The following RELN variants were observed in gnomAD, a reference collection of about 807,000 sequenced individuals.
The protein encoded by RELN is reelin.
In RELN, 108 loss-of-function variants were observed where a neutral mutation model predicts 427.6. The observed-to-expected ratio is 0.25, with a 90% confidence interval of 0.22 to 0.30. The LOEUF is 0.30. RELN is among the 10% of genes least tolerant of loss of function. The pLI, the probability that RELN is intolerant of heterozygous loss-of-function variation, is 1.00. For missense variants in RELN, 3,715 were observed against 4,302.8 expected (o/e 0.86, Z 3.82); for synonymous variants, 1,524 against 1,513.4 (o/e 1.01, Z -0.16).
At chr7:103,648,641 A>G (rs1290133026) in intron 16 of RELN, among the ~76,000 whole-genome samples, 11 of 152,168 alleles carry the variant, frequency 7.2e-5, no homozygotes, top group African/African-American at 2.2e-4. Flanking sequence ...TAATCAACAC[A>G]GTGAACAGAC....
chr7:103,986,503 G>A (rs1284823115), intron 1 of RELN, among the ~76,000 whole-genome samples: 1 of 151,826 alleles, frequency 6.6e-6, no homozygotes, highest in Middle Eastern at 3.2e-3. Flanking sequence ...GGCAATTGCT[G>A]CCCCATTTTA....
At chr7:103,851,304 G>C (rs985362395) in intron 2 of RELN, among the ~76,000 whole-genome samples, 1 of 152,132 alleles carries the variant, frequency 6.6e-6, no homozygotes, top group Non-Finnish European at 1.5e-5. Flanking sequence ...AAAGGCATAA[G>C]AATGATACAA....
At chr7:103,929,396 C>A (rs76083845) in intron 1 of RELN, among the ~76,000 whole-genome samples, 1 of 152,052 alleles carries the variant, frequency 6.6e-6, no homozygotes, top group African/African-American at 2.4e-5. Flanking sequence ...AACCTTCTTT[C>A]GAATAGCTAG....
intron 2 of RELN, among the ~76,000 whole-genome samples, chr7:103,843,524 A>G (rs74524250): frequency 0.025 from 3,837 of 152,216 alleles, 152 homozygotes; most frequent in African/African-American, 0.088. Context: ...TCCAATAGAA[A>G]CCCTGTCCAA....
intron 12 of RELN, among the ~76,000 whole-genome samples, chr7:103,657,624 C>T (rs1000393456): frequency 1.4e-4 from 21 of 152,034 alleles, no homozygotes; most frequent in Admixed American, 9.8e-4. Flanking sequence ...CTGAAACACA[C>T]GTGAGAGCCA....
intron 51 of RELN, chr7:103,504,337 A>G (rs1426411215): frequency 6.6e-6 from 1 of 151,132 alleles, no homozygotes; most frequent in Non-Finnish European, 1.5e-5. Flanking sequence ...TGCTTAAGTC[A>G]TAATGATTTA....
At chr7:103,849,534 T>A (rs1408882306) in intron 2 of RELN, among the ~76,000 whole-genome samples, 2 of 152,210 alleles carry the variant, frequency 1.3e-5, no homozygotes, top group Non-Finnish European at 2.9e-5. Context: ...TTCCTCAATG[T>A]GACACCCTGC....
At chr7:103,872,402 C>T (rs202159261) in intron 2 of RELN, among the ~76,000 whole-genome samples, 1,796 of 124,640 alleles carry the variant, frequency 0.014, 11 homozygotes, top group East Asian at 0.069. Context: ...CTCATCCTTT[C>T]TTATGGCTGC....
intron 1 of RELN, among the ~76,000 whole-genome samples, chr7:103,987,138 G>A (rs1317724902): frequency 6.7e-6 from 1 of 148,246 alleles, no homozygotes; most frequent in Non-Finnish European, 1.5e-5. Flanking sequence ...AAATCTAAAT[G>A]TTTAATAAAA....
chr7:103,971,287 T>G (rs1202898110), intron 1 of RELN, among the ~76,000 whole-genome samples: 1 of 152,076 alleles, frequency 6.6e-6, no homozygotes, highest in African/African-American at 2.4e-5. Flanking sequence ...ACTGATAGAT[T>G]TGACTACCCA....
At position 103,771,991 on chromosome 7, in the gene RELN, G is replaced by A. The variant is rs187423023; in HGVS notation, c.544+4566C>T. Among the ~76,000 whole-genome samples, 13 of 151,956 alleles carry A rather than the reference G, an allele frequency of 8.6e-5. No individual in the cohort carries two copies. The East Asian group carries it at 1.7e-3, about 20-fold the overall frequency. Reference sequence around the variant, plus strand: ...ATCACTCTCCTGCTTCCTTCCCACCGCCTGCAGAATGCGTAAGTCCCTGAG... The same window carrying A: ...ATCACTCTCCTGCTTCCTTCCCACCACCTGCAGAATGCGTAAGTCCCTGAG... On this transcript the variant is annotated intron_variant, in intron 4 of 64. Coordinates refer to ENST00000428762, the MANE Select transcript of RELN (RefSeq NM_005045.4).
intron 3 of RELN, among the ~76,000 whole-genome samples, chr7:103,793,748 C>T (rs1792224883): frequency 6.6e-6 from 1 of 152,088 alleles, no homozygotes; most frequent in Non-Finnish European, 1.5e-5. Context: ...ATCGGTAGTA[C>T]AAGTGAACAT....
rs573173578 is a variant in RELN at position 103,962,454 on chromosome 7, A to G, written c.226+26677T>C. Among the ~76,000 whole-genome samples the G allele has an allele frequency of 7.8e-4, 118 of 152,118 alleles. 1 individual carries two copies. The highest frequency in any genetic ancestry group is 2.8e-3 in the African/African-American group (115 of 41,504). On this transcript the variant is annotated intron_variant, in intron 1 of 64. Coordinates refer to ENST00000428762, the MANE Select transcript of RELN (RefSeq NM_005045.4). ...GCCTTTCTAATTACCACCAAGAGGAATGAGTGAGGCGCCTCCACCGACAGA... is the reference window on the plus strand; with the variant it reads ...GCCTTTCTAATTACCACCAAGAGGAGTGAGTGAGGCGCCTCCACCGACAGA...
rs1325206274 is a variant in RELN, at chr7:103,540,334, G to C, written c.6793C>G (p.Leu2265Val). ...GLSWSLLQEF[L>V]FSNSSNVGRY... ...CCCACATTGCTGGAATTGCTGAAAA[G>C]GAACTCCTGAAGAAGACTCCACGAG... is the stretch of plus-strand genomic sequence containing the variant. The change falls in exon 44 of 65, where the codon CTT becomes GTT. Residue 2265 changes from leucine (L) to valine (V), a missense_variant. Leu to Val is a conservative substitution (Grantham distance 32). Coordinates refer to ENST00000428762, the MANE Select transcript of RELN (RefSeq NM_005045.4). 6.2e-7 allele frequency: 1 copy of C among 1,614,172 alleles called. No individual in the cohort carries two copies.
chr7:103,688,745 T>C (rs932727581), intron 10 of RELN, among the ~76,000 whole-genome samples: 1 of 152,118 alleles, frequency 6.6e-6, no homozygotes, highest in African/African-American at 2.4e-5. Context: ...GACTGGAGAC[T>C]TGCCTAGTGT....
chr7:103,833,752 T>C, intron 2 of RELN, 80 bp from the exon 3 acceptor site: 1 of 1,405,252 alleles, frequency 7.1e-7, no homozygotes. Context: ...ATTTTCTGAA[T>C]ATTTTTCTTT....
intron 1 of RELN, among the ~76,000 whole-genome samples, chr7:103,932,700 A>T (rs1335173449): frequency 6.6e-6 from 1 of 152,204 alleles, no homozygotes; most frequent in Non-Finnish European, 1.5e-5. Context: ...ATTCCCATTC[A>T]TCTAGAGGCA....
chr7:103,848,513 C>T (rs1288330051), intron 2 of RELN, among the ~76,000 whole-genome samples: 2 of 152,158 alleles, frequency 1.3e-5, no homozygotes, highest in Admixed American at 6.5e-5. Context: ...ATCAACAGAA[C>T]TTTCACCGCA....
chr7:103,919,791 G>C (rs538817178), intron 1 of RELN, among the ~76,000 whole-genome samples: 5 of 152,274 alleles, frequency 3.3e-5, no homozygotes, highest in Non-Finnish European at 5.9e-5. Flanking sequence ...CAATTGGAAT[G>C]GTTCTTGAAA....
Sources: gnomAD v4.1 joint callset for allele counts (sites outside exome capture counted in the v4.1 genomes callset) on GRCh38, gnomAD v4.1.1 for gene constraint, MANE v1.5 for transcripts, NCBI Gene and HGNC (gene_info 2026-07-23, HGNC 2026-07-21) for gene names.